Variants in PRKN observed in about 807,000 individuals in gnomAD.
The protein encoded by PRKN is E3 ubiquitin-protein ligase parkin.
A neutral mutation model predicts 59.5 loss-of-function variants in PRKN; 56 were observed. The observed-to-expected ratio is 0.94, with a 90% CI of 0.76 to 1.18. The LOEUF (loss-of-function observed/expected upper bound fraction) is 1.18. Ranked by LOEUF, PRKN falls within the 50% of genes most tolerant of loss-of-function variation. The pLI, the probability that PRKN is intolerant of heterozygous loss-of-function variation, is 0.00. For missense variants in PRKN, 657 were observed against 596.4 expected (o/e 1.10, Z -1.06); for synonymous variants, 250 against 222.1 (o/e 1.13, Z -1.12).
At chr6:161,871,953 CTCATT>C (rs1053532994) in intron 6 of PRKN, among the ~76,000 whole-genome samples, 2 of 152,154 alleles carry the variant, frequency 1.3e-5, no homozygotes, top group African/African-American at 4.8e-5. Context: ...TAATAATCCT[CTCATT>C]TAATTTTCAC....
intron 1 of PRKN, among the ~76,000 whole-genome samples, chr6:162,500,753 A>G (rs76539686): frequency 0.016 from 2,482 of 152,308 alleles, 45 homozygotes; most frequent in African/African-American, 0.035. Context: ...TTGATATGCT[A>G]TCTGTATATA....
chr6:161,726,993 A>T (rs138010435), intron 7 of PRKN, among the ~76,000 whole-genome samples: 7 of 151,748 alleles, frequency 4.6e-5, no homozygotes, highest in African/African-American at 1.4e-4. Flanking sequence ...CAGGGGAAAG[A>T]CCCTGACTTC....
intron 5 of PRKN, among the ~76,000 whole-genome samples, chr6:162,026,432 A>G (rs112798025): frequency 6.6e-6 from 1 of 152,312 alleles, no homozygotes; most frequent in African/African-American, 2.4e-5. Flanking sequence ...CTGAGTTTTC[A>G]TTGGCTTCAT....
rs184488557 is a variant in PRKN at position 162,107,422 on chromosome 6, A to T, written c.535-53248T>A. Reference sequence around the variant, plus strand: ...GGAGGTTGCAGTGAGCCGAGATCGCACCTCTGTACTCCAGCCTGGGCGACA... The same window carrying T: ...GGAGGTTGCAGTGAGCCGAGATCGCTCCTCTGTACTCCAGCCTGGGCGACA... On this transcript the variant is annotated intron_variant, in intron 4 of 11. Coordinates refer to ENST00000366898, the MANE Select transcript of PRKN (RefSeq NM_004562.3). Among the ~76,000 whole-genome samples the T allele has an allele frequency of 2.1e-3, 317 of 152,308 alleles. 2 individuals are homozygous for T. Among genetic ancestry groups the T allele is most frequent in the African/African-American group, 7.3e-3 (303 of 41,572 alleles).
chr6:162,203,630 C>T (rs1396829100), intron 3 of PRKN, among the ~76,000 whole-genome samples: 1 of 152,110 alleles, frequency 6.6e-6, no homozygotes, highest in Non-Finnish European at 1.5e-5. Flanking sequence ...GCTGAAGGGC[C>T]TAAAGTAGAA....
In PRKN at chr6:161,497,882, T is replaced by C. The variant is rs916042150; in HGVS notation, c.1083+50972A>G. On this transcript the variant is annotated intron_variant, in intron 9 of 11. Coordinates refer to ENST00000366898, the MANE Select transcript of PRKN (RefSeq NM_004562.3). The surrounding 1 kb of genome is among the most constrained non-coding windows in gnomAD (Gnocchi z 4.6). Reference sequence around the variant, plus strand: ...CTCAAATAGAAAGGCTTGTTCCTGATGCTTTCCAATTATTTTCACTTCAAA... The same window carrying C: ...CTCAAATAGAAAGGCTTGTTCCTGACGCTTTCCAATTATTTTCACTTCAAA... Among the ~76,000 whole-genome samples, 6 of 152,208 alleles carry C rather than the reference T, an allele frequency of 3.9e-5. No homozygotes were observed. Among genetic ancestry groups the C allele is most frequent in the African/African-American group, 1.4e-4 (6 of 41,442 alleles).
chr6:162,453,252 G>A (rs375783575), intron 1 of PRKN, among the ~76,000 whole-genome samples: 2 of 152,156 alleles, frequency 1.3e-5, no homozygotes, highest in African/African-American at 2.4e-5. Flanking sequence ...AGGACATCGC[G>A]CATAGCCTCA....
intron 2 of PRKN, among the ~76,000 whole-genome samples, chr6:162,269,219 G>T (rs761245613): frequency 2.6e-4 from 40 of 152,086 alleles, no homozygotes; most frequent in Non-Finnish European, 5.4e-4. Flanking sequence ...CTTTGTATGC[G>T]TTGCTCTCTG....
intron 7 of PRKN, among the ~76,000 whole-genome samples, chr6:161,646,357 C>T (rs551241794): frequency 1.1e-4 from 11 of 104,234 alleles, no homozygotes; most frequent in Non-Finnish European, 1.9e-4. Context: ...GAGGAGGTGG[C>T]GTATGAGTGA....
At chr6:161,619,981 CTTTTTTTTTTTTT>C (rs71004058) in intron 7 of PRKN, among the ~76,000 whole-genome samples, 30 of 63,132 alleles carry the variant, frequency 4.8e-4, no homozygotes, top group African/African-American at 2.3e-3. Flanking sequence ...ACACATTATT[CTTTTTTTTTTTTT>C]TTTTTTTTTT....
At chr6:162,495,662 T>C in intron 1 of PRKN, among the ~76,000 whole-genome samples, 1 of 152,214 alleles carries the variant, frequency 6.6e-6, no homozygotes, top group East Asian at 1.9e-4. Flanking sequence ...TTGCAGATTC[T>C]CTGCCAGTGT....
rs1237016566 is a variant in PRKN, at chr6:161,362,241, T to C, written c.1168-2036A>G. ...GCTGGATCAAATATGGAAAAAAATC[T>C]TTTTTAAACGTACGGCTGATAGGGT... On this transcript the variant is annotated intron_variant, in intron 10 of 11. Transcript: ENST00000366898. The surrounding 1 kb of genome is among the most constrained non-coding windows in gnomAD (Gnocchi z 5.2). 6.6e-6 allele frequency among the ~76,000 whole-genome samples: 1 copy of C among 152,222 alleles called. No individual in the cohort carries two copies. The highest frequency in any genetic ancestry group is 1.5e-5 in the Non-Finnish European group (1 of 68,034).
chr6:161,741,093 T>C (rs1238431857), intron 7 of PRKN, among the ~76,000 whole-genome samples: 1 of 152,270 alleles, frequency 6.6e-6, no homozygotes. Flanking sequence ...ATTTGCATTC[T>C]TAATTCAGCC....
chr6:161,551,730 C>A lies in PRKN; in HGVS notation c.934-2727G>T, dbSNP rs1034876364. On this transcript the variant is annotated intron_variant, in intron 8 of 11. Transcript: ENST00000366898. This position sits in a 1 kb window ranked among gnomAD's most constrained non-coding sequence, Gnocchi z 5.2. ...AAAGGAGTTTGCCAGTAAAAGGGAG[C>A]AGAGATCGGGGAGGCCATTGGATAG... Among the ~76,000 whole-genome samples, 1 of 152,058 alleles carries A rather than the reference C, an allele frequency of 6.6e-6. No individual in the cohort carries two copies. Among genetic ancestry groups the A allele is most frequent in the Admixed American group, 6.6e-5 (1 of 15,264 alleles).
chr6:162,561,479 C>T (rs1460814239), intron 1 of PRKN, among the ~76,000 whole-genome samples: 1 of 152,034 alleles, frequency 6.6e-6, no homozygotes, highest in South Asian at 2.1e-4. Flanking sequence ...GGAAAAACAC[C>T]TTCTTAAGAA....
intron 2 of PRKN, among the ~76,000 whole-genome samples, chr6:162,363,498 A>G (rs1785262158): frequency 6.6e-6 from 1 of 152,208 alleles, no homozygotes; most frequent in Non-Finnish European, 1.5e-5. Context: ...ACTTAATCAT[A>G]GTGAACTATA....
At chr6:162,206,751 C>T (rs985104721) in intron 3 of PRKN, among the ~76,000 whole-genome samples, 1 of 152,112 alleles carries the variant, frequency 6.6e-6, no homozygotes, top group Non-Finnish European at 1.5e-5. Flanking sequence ...CCTTCTTCCT[C>T]ATCATCCATC....
Position 161,386,275 on chromosome 6 carries a change from T to C in PRKN, c.1167+519A>G, listed in dbSNP as rs150168476. Among the ~76,000 whole-genome samples the C allele has an allele frequency of 7.0e-4, 107 of 152,314 alleles. 2 individuals are homozygous for C. Among genetic ancestry groups the C allele is most frequent in the South Asian group, 2.3e-3 (11 of 4,816 alleles). Reference sequence around the variant, plus strand: ...CTTTCCTAAGACTGAGATAGCACCTTAGAGAGTGAGGCTCGGCCAACACAT... The same window carrying C: ...CTTTCCTAAGACTGAGATAGCACCTCAGAGAGTGAGGCTCGGCCAACACAT... On this transcript the variant is annotated intron_variant, in intron 10 of 11. Transcript: ENST00000366898. The surrounding 1 kb of genome is among the most constrained non-coding windows in gnomAD (Gnocchi z 4.3).
intron 3 of PRKN, among the ~76,000 whole-genome samples, chr6:162,251,324 C>T (rs552550395): frequency 6.6e-6 from 1 of 152,178 alleles, no homozygotes; most frequent in South Asian, 2.1e-4. Context: ...ACTGGCTGCT[C>T]ATCAGAATCA....
Sources: gnomAD v4.1 joint callset for allele counts (sites outside exome capture counted in the v4.1 genomes callset) on GRCh38, gnomAD v4.1.1 for gene constraint, Gnocchi (gnomAD v3.1) non-coding constraint, MANE v1.5 for transcripts, NCBI Gene and HGNC (gene_info 2026-07-23, HGNC 2026-07-21) for gene names.